The following MGRN1 variants were observed in gnomAD, a reference collection of about 807,000 sequenced individuals.
MGRN1 encodes the protein E3 ubiquitin-protein ligase MGRN1.
Under a neutral mutation model 69.2 loss-of-function variants are expected in MGRN1, and 29 were observed. The observed-to-expected ratio is 0.42, with a 90% CI of 0.31 to 0.57. The LOEUF is 0.57. Among genes scored for constraint, MGRN1 ranks in the 20% least tolerant of loss-of-function variants. MGRN1 has a pLI of 0.15. For synonymous variants in MGRN1, 470 were observed against 344.2 expected, an observed-to-expected ratio of 1.37 and a Z score of -4.04; for missense variants, 998 against 796.2, an observed-to-expected ratio of 1.25 and a Z score of -3.05.
intron 1 of MGRN1, among the ~76,000 whole-genome samples, chr16:4,642,467 T>G (rs1393637073): frequency 7.7e-5 from 6 of 78,106 alleles, no homozygotes; most frequent in Non-Finnish European, 2.4e-5. Flanking sequence ...CCAGCTAATT[T>G]GTGTGTGTGT....
At chr16:4,673,147 G>GT (rs199515991) in intron 9 of MGRN1, among the ~76,000 whole-genome samples, 2,493 of 152,164 alleles carry the variant, frequency 0.016, 33 homozygotes, top group Non-Finnish European at 0.024. Flanking sequence ...CATTAACTTG[G>GT]TTTTTTTTAA....
intron 1 of MGRN1, among the ~76,000 whole-genome samples, chr16:4,630,383 G>T (rs1316782316): frequency 4.0e-5 from 6 of 151,012 alleles, no homozygotes; most frequent in Non-Finnish European, 8.9e-5. Flanking sequence ...AGAAAGAAAA[G>T]AAATCTTTGC....
chr16:4,650,128 C>A (rs574426257), intron 1 of MGRN1: 14 of 386,714 alleles, frequency 3.6e-5, no homozygotes, highest in African/African-American at 2.5e-4. Flanking sequence ...TATGGTGAAA[C>A]CCCGTCTCCA....
In MGRN1 at chr16:4,625,036, C is replaced by G. The variant is rs1319820954; in HGVS notation, c.76C>G (p.Pro26Ala). The change falls in exon 1 of 17, where the codon CCT becomes GCT. Residue 26 changes from proline (P) to alanine (A), a missense_variant. By Grantham distance (27) the Pro-to-Ala change is conservative. Coordinates refer to ENST00000262370, the MANE Select transcript of MGRN1 (RefSeq NM_015246.4). ...CCAGGCGAACTCGGCCTATCGCTAC[C>G]CTCCGAAGTCCGGTGAGCGCCCGGC... ...DIQANSAYRY[P>A]PKSGNYFASH... 1.3e-6 allele frequency: 2 copies of G among 1,549,326 alleles called. No individual in the cohort carries two copies. Among genetic ancestry groups the G allele is most frequent in the African/African-American group, 2.9e-5 (2 of 70,134 alleles).
chr16:4,673,654 C>G lies in MGRN1; in HGVS notation c.952C>G (p.Leu318Val). The part of the protein sequence containing the change: ...YQANNCPICR[L>V]PFRALLQIRA... ...GGCCAACAACTGCCCCATCTGCCGG[C>G]TGCGTGAGTTCCCCGGCCGGCTGTT... The change falls in exon 10 of 17, where the codon CTG becomes GTG. Residue 318 changes from leucine to valine, a missense_variant. Coordinates refer to ENST00000262370, the MANE Select transcript of MGRN1 (RefSeq NM_015246.4). 6.2e-7 allele frequency: 1 copy of G among 1,612,808 alleles called. No individual in the cohort carries two copies. The highest frequency in any genetic ancestry group is 8.5e-7 in the Non-Finnish European group (1 of 1,179,658).
At chr16:4,629,942 A>G (rs904968789) in intron 1 of MGRN1, among the ~76,000 whole-genome samples, 1 of 149,826 alleles carries the variant, frequency 6.7e-6, no homozygotes, top group African/African-American at 2.5e-5. Context: ...GCTACTCAGG[A>G]GGCTGAGTCA....
At chr16:4,668,923 C>T (rs574990961) in intron 8 of MGRN1, among the ~76,000 whole-genome samples, 2 of 152,106 alleles carry the variant, frequency 1.3e-5, no homozygotes, top group African/African-American at 2.4e-5. Flanking sequence ...TACAGACATA[C>T]ATACACACAA....
chr16:4,628,182 C>T (rs202149016), intron 1 of MGRN1, among the ~76,000 whole-genome samples: 5 of 150,486 alleles, frequency 3.3e-5, no homozygotes, highest in Admixed American at 2.0e-4. Flanking sequence ...GTCAGGAGAT[C>T]GAGACCATCC....
chr16:4,635,714 A>G (rs914111877), intron 1 of MGRN1, among the ~76,000 whole-genome samples: 17 of 151,354 alleles, frequency 1.1e-4, no homozygotes, highest in Admixed American at 1.1e-3. Flanking sequence ...GGCTCACTGC[A>G]ACCTCCACCT....
chr16:4,675,130 G>C (rs1039655060), intron 10 of MGRN1, among the ~76,000 whole-genome samples: 8 of 151,932 alleles, frequency 5.3e-5, no homozygotes, highest in African/African-American at 1.9e-4. Flanking sequence ...GTGCCACCAT[G>C]CCCGGCTATT....
At chr16:4,648,094 G>C (rs2078312093) in intron 1 of MGRN1, among the ~76,000 whole-genome samples, 1 of 152,186 alleles carries the variant, frequency 6.6e-6, no homozygotes. Flanking sequence ...GGAATTCTGA[G>C]AAGGAATAGG....
chr16:4,656,667 G>T (rs1178939029), intron 4 of MGRN1, among the ~76,000 whole-genome samples: 2 of 152,146 alleles, frequency 1.3e-5, no homozygotes, highest in South Asian at 4.2e-4. Flanking sequence ...CATCACTTGA[G>T]GTCAGGAGTT....
chr16:4,650,656 TG>T (rs2078384920), intron 2 of MGRN1, 173 bp downstream of exon 2: 2 of 518,374 alleles, frequency 3.9e-6, no homozygotes, highest in South Asian at 6.3e-5. Context: ...TGGAATGGGT[TG>T]TGTCCTGGTG....
intron 8 of MGRN1, among the ~76,000 whole-genome samples, chr16:4,669,790 A>T (rs2078898473): frequency 6.6e-6 from 1 of 152,216 alleles, no homozygotes; most frequent in Admixed American, 6.5e-5. Context: ...AAATGGAGCT[A>T]TAGAGCAGTA....
At chr16:4,687,380 AT>A in intron 16 of MGRN1, 1 of 924,478 alleles carries the variant, frequency 1.1e-6, no homozygotes, top group Non-Finnish European at 1.3e-6. Flanking sequence ...CCCCCTCTCT[AT>A]GAAAAATAAA....
intron 1 of MGRN1, among the ~76,000 whole-genome samples, chr16:4,648,839 C>T (rs1214176087): frequency 3.2e-5 from 4 of 123,536 alleles, no homozygotes; most frequent in East Asian, 2.3e-4. Context: ...GTCCTCCTCC[C>T]GGGGCTCTTC....
chr16:4,626,257 T>C (rs1830481177), intron 1 of MGRN1, among the ~76,000 whole-genome samples: 1 of 152,210 alleles, frequency 6.6e-6, no homozygotes, highest in African/African-American at 2.4e-5. Context: ...GTTGCCTGCC[T>C]GCTGGGGAGA....
At chr16:4,664,668 G>C (rs200240050) in intron 5 of MGRN1, 41 bp from the exon 6 acceptor site, 1 of 1,608,616 alleles carries the variant, frequency 6.2e-7, no homozygotes, top group Non-Finnish European at 8.5e-7. Flanking sequence ...TCCAGGCTTG[G>C]CTGTGTGGGT....
intron 16 of MGRN1, chr16:4,686,275 C>A: frequency 6.5e-7 from 1 of 1,545,020 alleles, no homozygotes; most frequent in Non-Finnish European, 8.7e-7. Flanking sequence ...GGCCCGACTC[C>A]TGCTCTGTTG....
Sources: allele counts gnomAD v4.1 joint callset (sites outside exome capture counted in the v4.1 genomes callset), GRCh38; gene constraint gnomAD v4.1.1; transcripts MANE v1.5; gene names NCBI Gene and HGNC (gene_info 2026-07-23, HGNC 2026-07-21).